PHB1: variants seen among roughly 807,000 people sequenced by gnomAD.
The protein encoded by PHB1 is epididymis luminal protein 215.
At chr17:49,409,426 C>T in the PHB1 span, 89 of 1,613,768 alleles carry the variant, frequency 5.5e-5, no homozygotes, top group Non-Finnish European at 6.4e-5. Context: ...AGCTGGCTGG[C>T]GACAGGCCGG....
At chr17:49,410,706 T>G in the PHB1 span, among the ~76,000 whole-genome samples, 1 of 152,224 alleles carries the variant, frequency 6.6e-6, no homozygotes, top group African/African-American at 2.4e-5. Flanking sequence ...TTACTAATGA[T>G]GTGGCCTCTC....
chr17:49,413,215 G>A, the PHB1 span: 1 of 1,612,426 alleles, frequency 6.2e-7, no homozygotes, highest in Non-Finnish European at 8.5e-7. Flanking sequence ...TCCTGCAACA[G>A]CTAAGGCCAG....
the PHB1 span, chr17:49,409,530 G>GTT: frequency 1.2e-5 from 14 of 1,146,790 alleles, no homozygotes; most frequent in Non-Finnish European, 1.7e-5. Context: ...AGGAAAACAA[G>GTT]TGTTTTTTTT....
chr17:49,408,382 A>G, the PHB1 span, among the ~76,000 whole-genome samples: 1 of 152,222 alleles, frequency 6.6e-6, no homozygotes, highest in Non-Finnish European at 1.5e-5. Context: ...TTTTTCCCAG[A>G]GAATCTAGAA....
At chr17:49,412,333 T>C in the PHB1 span, 1 of 159,038 alleles carries the variant, frequency 6.3e-6, no homozygotes, top group African/African-American at 2.4e-5. Context: ...GTTATAGAGC[T>C]GTCTTGGCAC....
chr17:49,406,134 A>C, the PHB1 span, among the ~76,000 whole-genome samples: 1 of 152,250 alleles, frequency 6.6e-6, no homozygotes, highest in African/African-American at 2.4e-5. Context: ...ATACAAAGCA[A>C]CACAAGTCTC....
the PHB1 span, chr17:49,407,482 A>G: frequency 6.5e-6 from 1 of 153,968 alleles, no homozygotes; most frequent in African/African-American, 2.4e-5. Flanking sequence ...AGGTAAAGTC[A>G]TTGGTCGGCA....
chr17:49,414,454 T>C, the PHB1 span: 1 of 152,102 alleles, frequency 6.6e-6, no homozygotes, highest in African/African-American at 2.4e-5. Context: ...TAACTAGAAA[T>C]CACGCCAGCA....
chr17:49,413,403 G>C, the PHB1 span: 2 of 636,896 alleles, frequency 3.1e-6, no homozygotes, highest in South Asian at 1.7e-5. Context: ...CCCCATTCCT[G>C]AAAGTGCTAA....
At chr17:49,412,879 C>G in the PHB1 span, 300 of 288,010 alleles carry the variant, frequency 1.0e-3, no homozygotes, top group African/African-American at 6.3e-3. Context: ...AGACACTGTG[C>G]GGCAGCATTT....
At chr17:49,410,835 A>C in the PHB1 span, among the ~76,000 whole-genome samples, 1 of 152,210 alleles carries the variant, frequency 6.6e-6, no homozygotes, top group Non-Finnish European at 1.5e-5. Context: ...ACGTAAAAGC[A>C]CTCTGTCAAA....
chr17:49,409,826 G>A, the PHB1 span, among the ~76,000 whole-genome samples: 1 of 147,966 alleles, frequency 6.8e-6, no homozygotes, highest in African/African-American at 2.5e-5. Flanking sequence ...GTGAGCCACC[G>A]CACCTGGCCA....
chr17:49,411,539 G>C, the PHB1 span: 1 of 713,870 alleles, frequency 1.4e-6, no homozygotes, highest in East Asian at 2.7e-5. Flanking sequence ...GCTCTCCAGG[G>C]CAAGTAGTCT....
At chr17:49,412,035 C>T in the PHB1 span, 1 of 553,744 alleles carries the variant, frequency 1.8e-6, no homozygotes, top group South Asian at 2.5e-5. Flanking sequence ...TTCCACATGT[C>T]CCCAAGGATT....
At chr17:49,409,479 G>A in the PHB1 span, 1 of 1,613,158 alleles carries the variant, frequency 6.2e-7, no homozygotes, top group Non-Finnish European at 8.5e-7. Flanking sequence ...TAAATCTTAG[G>A]GTAGGGGACA....
At chr17:49,407,285 A>G in the PHB1 span, 1 of 170,614 alleles carries the variant, frequency 5.9e-6, no homozygotes, top group East Asian at 1.5e-4. Flanking sequence ...GGTCCCTGAG[A>G]GTGAGGGAGG....
chr17:49,414,875 C>T, the PHB1 span: 6 of 152,410 alleles, frequency 3.9e-5, no homozygotes. Context: ...CCCAACCACA[C>T]ATACTGCGCA....
the PHB1 span, chr17:49,413,165 TC>T: frequency 2.5e-6 from 4 of 1,599,096 alleles, no homozygotes; most frequent in Admixed American, 5.0e-5. Context: ...CCACTGTCCC[TC>T]CATGCCTCAC....
the PHB1 span, chr17:49,409,434 C>T: frequency 3.7e-6 from 6 of 1,611,722 alleles, no homozygotes; most frequent in Non-Finnish European, 5.1e-6. Flanking sequence ...GGCGACAGGC[C>T]GGAAGAGGAT....
Sources: allele counts gnomAD v4.1 joint callset (sites outside exome capture counted in the v4.1 genomes callset), GRCh38; gene constraint gnomAD v4.1.1; transcripts MANE v1.5; gene names NCBI Gene and HGNC (gene_info 2026-07-23, HGNC 2026-07-21).